TCF7L1: variants seen among roughly 807,000 people sequenced by gnomAD.
TCF7L1 encodes transcription factor 7-like 1.
TCF7L1 carries 18 observed loss-of-function variants against 63.7 expected under a neutral mutation model. That is an observed-to-expected ratio of 0.28 (90% CI 0.20 to 0.42). The LOEUF is 0.42. Ranked by LOEUF, TCF7L1 falls within the 10% of genes least tolerant of loss-of-function variation. The pLI is 1.00. For synonymous variants in TCF7L1, 355 were observed against 340.9 expected (o/e 1.04, Z -0.46); for missense variants, 654 against 779.3 (o/e 0.84, Z 1.91).
At chr2:85,139,427 C>T (rs1204058160) in intron 3 of TCF7L1, among the ~76,000 whole-genome samples, 1 of 152,132 alleles carries the variant, frequency 6.6e-6, no homozygotes, top group Non-Finnish European at 1.5e-5. Context: ...CCAGGCTTTG[C>T]CCTAAAGGAT....
At chr2:85,241,431 GTTTTTGTTTTTTT>G (rs1296136826) in intron 3 of TCF7L1, among the ~76,000 whole-genome samples, 2,552 of 68,542 alleles carry the variant, frequency 0.037, 44 homozygotes, top group Middle Eastern at 0.08. Context: ...GATGCACTTT[GTTTTTGTTTTTTT>G]TTTTTTTTTT....
At chr2:85,198,031 G>A (rs1032382107) in intron 3 of TCF7L1, among the ~76,000 whole-genome samples, 3 of 152,232 alleles carry the variant, frequency 2.0e-5, no homozygotes, top group African/African-American at 4.8e-5. Flanking sequence ...CAGGACTCAC[G>A]TTCAGTGCAA....
intron 4 of TCF7L1, among the ~76,000 whole-genome samples, chr2:85,295,775 C>CTTTTTTTTTT (rs56373561): frequency 9.9e-6 from 1 of 100,884 alleles, no homozygotes; most frequent in African/African-American, 4.1e-5. Flanking sequence ...GTAACATTTA[C>CTTTTTTTTTT]TTTTTTTTTT....
chr2:85,263,976 G>A (rs1432118217), intron 3 of TCF7L1, among the ~76,000 whole-genome samples: 11 of 152,212 alleles, frequency 7.2e-5, no homozygotes, highest in Non-Finnish European at 4.4e-5. Context: ...TGGCCTTAGC[G>A]AAAACAGGGC....
chr2:85,253,468 A>C (rs1680640140), intron 3 of TCF7L1, among the ~76,000 whole-genome samples: 1 of 152,234 alleles, frequency 6.6e-6, no homozygotes, highest in Non-Finnish European at 1.5e-5. Context: ...CAATGCAGAA[A>C]TATTGATCAG....
In TCF7L1 at chr2:85,306,246, C is replaced by T. The variant is rs1239195391; in HGVS notation, c.1030C>T (p.Pro344Ser). 1 of 1,613,984 alleles carries T rather than the reference C, an allele frequency of 6.2e-7. No homozygotes were observed. Among genetic ancestry groups the T allele is most frequent in the African/African-American group, 1.3e-5 (1 of 74,872 alleles). The change falls in exon 9 of 12, where the codon CCC becomes TCC. Residue 344 changes from proline (P) to serine (S), a missense_variant. Transcript: ENST00000282111. The surrounding 1 kb of genome is among the most constrained non-coding windows in gnomAD (Gnocchi z 4.3). ...CGTGAAAAAGGAGGAGGAAAAGAAG[C>T]CCCACGTGAAGAAGCCTCTGAATGC... Reference protein sequence around the residue: ...VTVKKEEEKKPHVKKPLNAFM... With the variant: ...VTVKKEEEKKSHVKKPLNAFM...
intron 3 of TCF7L1, among the ~76,000 whole-genome samples, chr2:85,242,394 G>C (rs1346028661): frequency 6.6e-6 from 1 of 152,200 alleles, no homozygotes; most frequent in African/African-American, 2.4e-5. Flanking sequence ...TTTCTGGGAT[G>C]GCTCAAATAA....
intron 4 of TCF7L1, among the ~76,000 whole-genome samples, chr2:85,290,293 C>A (rs984291554): frequency 1.3e-5 from 2 of 152,050 alleles, no homozygotes; most frequent in Non-Finnish European, 2.9e-5. Flanking sequence ...AGTTTTTAAG[C>A]TAAAGTTAGC....
chr2:85,285,015 C>T (rs189994786), intron 4 of TCF7L1, among the ~76,000 whole-genome samples: 28 of 152,250 alleles, frequency 1.8e-4, no homozygotes, highest in Admixed American at 7.2e-4. Flanking sequence ...GGGCGGATCA[C>T]GAGGTCAGGA....
intron 3 of TCF7L1, among the ~76,000 whole-genome samples, chr2:85,216,567 A>T (rs973038939): frequency 6.6e-6 from 1 of 152,166 alleles, no homozygotes; most frequent in African/African-American, 2.4e-5. Flanking sequence ...GCCCACAAAC[A>T]TGTCCATGCT....
At chr2:85,298,114 C>T (rs1483808494) in intron 4 of TCF7L1, among the ~76,000 whole-genome samples, 20 of 133,678 alleles carry the variant, frequency 1.5e-4, no homozygotes, top group Admixed American at 2.5e-4. Context: ...TGTGCCACCA[C>T]GCCTGGCTAA....
chr2:85,169,015 C>T (rs966359897), intron 3 of TCF7L1, among the ~76,000 whole-genome samples: 5 of 152,216 alleles, frequency 3.3e-5, no homozygotes, highest in Admixed American at 2.6e-4. Flanking sequence ...CCTCTATTTC[C>T]TCCATTCAAC....
At chr2:85,145,617 G>C (rs775358782) in intron 3 of TCF7L1, among the ~76,000 whole-genome samples, 1 of 152,204 alleles carries the variant, frequency 6.6e-6, no homozygotes, top group Non-Finnish European at 1.5e-5. Flanking sequence ...GACCCTGCGG[G>C]AGTGTCCTCT....
At chr2:85,282,927 A>C (rs779642093) in intron 3 of TCF7L1, among the ~76,000 whole-genome samples, 13 of 151,770 alleles carry the variant, frequency 8.6e-5, no homozygotes, top group Non-Finnish European at 1.5e-4. Context: ...GGGTTGAGAG[A>C]CGCTATAATG....
chr2:85,304,489 C>A, intron 7 of TCF7L1, 151 bp downstream of exon 7: 1 of 691,916 alleles, frequency 1.4e-6, no homozygotes, highest in Non-Finnish European at 2.4e-6. Context: ...TCACGTCCCG[C>A]GCTCCCCACC....
At chr2:85,227,574 A>C (rs1239750825) in intron 3 of TCF7L1, among the ~76,000 whole-genome samples, 1 of 152,128 alleles carries the variant, frequency 6.6e-6, no homozygotes, top group African/African-American at 2.4e-5. Context: ...ACAGTCTTTT[A>C]AATTATATAA....
intron 3 of TCF7L1, among the ~76,000 whole-genome samples, chr2:85,250,440 G>T (rs1436671738): frequency 2.8e-5 from 4 of 142,432 alleles, no homozygotes; most frequent in East Asian, 2.0e-4. Flanking sequence ...TCAAAAGTGA[G>T]AATTTTTTTT....
rs185938755 is a variant in TCF7L1 at position 85,240,335 on chromosome 2, G to T, written c.442-43160G>T. Among the ~76,000 whole-genome samples, 248 of 152,368 alleles carry T rather than the reference G, an allele frequency of 1.6e-3. 1 individual carries two copies. Among genetic ancestry groups the T allele is most frequent in the African/African-American group, 5.8e-3 (242 of 41,590 alleles). ...CCGGGGGACTGCTGTGGAGATGAAGGATGTTTTAAACCTCAGGCTGTCATC... is the reference window on the plus strand; with the variant it reads ...CCGGGGGACTGCTGTGGAGATGAAGTATGTTTTAAACCTCAGGCTGTCATC... On this transcript the variant is annotated intron_variant, in intron 3 of 11. Transcript: ENST00000282111.
chr2:85,261,934 A>G (rs1164476415), intron 3 of TCF7L1, among the ~76,000 whole-genome samples: 1 of 152,240 alleles, frequency 6.6e-6, no homozygotes, highest in Non-Finnish European at 1.5e-5. Context: ...TCTTGTAATA[A>G]CATAAGGGTA....
Sources: allele counts gnomAD v4.1 joint callset (sites outside exome capture counted in the v4.1 genomes callset), GRCh38; gene constraint gnomAD v4.1.1; non-coding constraint Gnocchi (gnomAD v3.1); transcripts MANE v1.5; gene names NCBI Gene and HGNC (gene_info 2026-07-23, HGNC 2026-07-21).